Variants in LEPR observed in about 807,000 individuals in gnomAD.
LEPR encodes OB receptor.
LEPR carries 56 observed loss-of-function variants against 114.7 expected under a neutral mutation model. The ratio of observed to expected loss-of-function variants is 0.49; its 90% CI spans 0.39 to 0.61. The LOEUF (loss-of-function observed/expected upper bound fraction) is 0.61, where lower values mean the gene tolerates loss of function less well. Ranked by LOEUF, LEPR falls within the 20% of genes least tolerant of loss-of-function variation. The pLI is 0.00. For missense variants in LEPR, 1,202 were observed against 1,352.9 expected (o/e 0.89, Z 1.75); for synonymous variants, 443 against 461.4 (o/e 0.96, Z 0.51).
intron 2 of LEPR, among the ~76,000 whole-genome samples, chr1:65,550,471 A>G (rs1652220772): frequency 6.6e-6 from 1 of 152,212 alleles, no homozygotes; most frequent in Non-Finnish European, 1.5e-5. Flanking sequence ...GGCTCCACCC[A>G]GTTCGAGCTT....
chr1:65,573,661 T>G (rs776603120), intron 5 of LEPR, among the ~76,000 whole-genome samples: 10 of 152,204 alleles, frequency 6.6e-5, no homozygotes, highest in Admixed American at 3.9e-4. Flanking sequence ...CCTTCAGTTC[T>G]GCAGTTATTG....
chr1:65,636,089 T>C, intron 19 of LEPR, 102 bp from the exon 20 acceptor site: 1 of 1,334,426 alleles, frequency 7.5e-7, no homozygotes, highest in Non-Finnish European at 1.1e-6. Flanking sequence ...TTGACTTATG[T>C]TCTTTATTAT....
intron 2 of LEPR, among the ~76,000 whole-genome samples, chr1:65,512,058 A>G (rs1649061635): frequency 6.6e-6 from 1 of 152,178 alleles, no homozygotes; most frequent in Admixed American, 6.6e-5. Flanking sequence ...AAGCTGTTTC[A>G]CATGGTGGGA....
chr1:65,452,474 A>T (rs1230917405), intron 2 of LEPR, among the ~76,000 whole-genome samples: 1 of 151,932 alleles, frequency 6.6e-6, no homozygotes, highest in African/African-American at 2.4e-5. Flanking sequence ...ATTTATTGAG[A>T]GTTTTTAGCA....
At chr1:65,493,164 G>A (rs866860458) in intron 2 of LEPR, among the ~76,000 whole-genome samples, 28 of 152,154 alleles carry the variant, frequency 1.8e-4, no homozygotes, top group Middle Eastern at 6.8e-3. Flanking sequence ...GCTAGAGATT[G>A]TTGCTGGCCA....
chr1:65,472,437 C>CACACACACACAT (rs1647096721), intron 2 of LEPR, among the ~76,000 whole-genome samples: 1 of 142,680 alleles, frequency 7.0e-6, no homozygotes, highest in Non-Finnish European at 1.5e-5. Flanking sequence ...CACACACACA[C>CACACACACACAT]ACACACACGT....
Position 65,420,685 on chromosome 1 carries a change from G to T in LEPR, c.-152G>T. ...GCTTGGGCAGGCTGCCCGGGCCGTGGCAGGAAGCCGGAAGCAGCCGCGGCC... is the reference window on the plus strand; with the variant it reads ...GCTTGGGCAGGCTGCCCGGGCCGTGTCAGGAAGCCGGAAGCAGCCGCGGCC... On this transcript the variant is annotated 5_prime_UTR_variant, in exon 1 of 20. Coordinates refer to ENST00000349533, the MANE Select transcript of LEPR (RefSeq NM_002303.6). The T allele has an allele frequency of 1.3e-6, 2 of 1,569,014 alleles. No individual in the cohort carries two copies. The highest frequency in any genetic ancestry group is 1.7e-6 in the Non-Finnish European group (2 of 1,159,004).
chr1:65,469,524 C>T (rs17127655), intron 2 of LEPR, among the ~76,000 whole-genome samples: 8,107 of 152,148 alleles, frequency 0.053, 717 homozygotes, highest in African/African-American at 0.18. Context: ...CTCGGGTTCT[C>T]TTGAAGGAGT....
chr1:65,593,573 C>T (rs1438092601), intron 6 of LEPR, among the ~76,000 whole-genome samples: 1 of 152,018 alleles, frequency 6.6e-6, no homozygotes, highest in East Asian at 1.9e-4. Context: ...TATATGCAAA[C>T]TCTTTATGTC....
In LEPR at chr1:65,641,415, T is replaced by C. The variant is rs1268742622; in HGVS notation, c.*4400T>C. 1.1e-4 allele frequency: 17 copies of C among 152,238 alleles called. No individual in the cohort carries two copies. The highest frequency in any genetic ancestry group is 4.4e-5 in the Non-Finnish European group (3 of 68,046). 9.4% of individuals were successfully genotyped at this position (152,238 alleles called of 1,614,324 possible). ...ACGTAAGTGCCAAGATATGCATCAC[T>C]AACTGTTCTATGAAATTTGTCTACT... On this transcript the variant is annotated 3_prime_UTR_variant, in exon 20 of 20. Coordinates refer to ENST00000349533, the MANE Select transcript of LEPR (RefSeq NM_002303.6).
chr1:65,448,041 G>A (rs570211925), intron 2 of LEPR, among the ~76,000 whole-genome samples: 22 of 152,154 alleles, frequency 1.4e-4, no homozygotes, highest in African/African-American at 5.1e-4. Flanking sequence ...TATTATCTAG[G>A]ATTTCCAATA....
chr1:65,484,756 G>T (rs934263319), intron 2 of LEPR, among the ~76,000 whole-genome samples: 5 of 152,184 alleles, frequency 3.3e-5, no homozygotes, highest in African/African-American at 1.2e-4. Context: ...ACAAGCCAAT[G>T]AGATCAAGAT....
intron 2 of LEPR, among the ~76,000 whole-genome samples, chr1:65,554,648 A>G (rs1045696760): frequency 1.3e-5 from 2 of 151,996 alleles, no homozygotes; most frequent in African/African-American, 2.4e-5. Context: ...GCTGGGCTCC[A>G]TGGGGGTGGT....
intron 2 of LEPR, among the ~76,000 whole-genome samples, chr1:65,544,971 A>G (rs1332414038): frequency 7.1e-6 from 1 of 140,058 alleles, no homozygotes; most frequent in Non-Finnish European, 1.5e-5. Flanking sequence ...CCCACCCCAC[A>G]ACAGTCCCCA....
chr1:65,596,130 G>A (rs1261888618), intron 6 of LEPR, among the ~76,000 whole-genome samples: 1 of 152,050 alleles, frequency 6.6e-6, no homozygotes, highest in Non-Finnish European at 1.5e-5. Flanking sequence ...ATAAGTTTTA[G>A]GATGCTGGGT....
chr1:65,587,465 C>T (rs12042877), intron 5 of LEPR, among the ~76,000 whole-genome samples: 45,678 of 151,868 alleles, frequency 0.3, 7,775 homozygotes, highest in East Asian at 0.83. Context: ...TTTTACAGTT[C>T]TCAAAAATAC....
rs528029237 is a variant in LEPR at position 65,496,451 on chromosome 1, C to A, written c.-20-69095C>A. On this transcript the variant is annotated intron_variant, in intron 2 of 19. Transcript: ENST00000349533. ...CAATAGCCAGGTGTGGTTGCACGTG[C>A]CTGTAGTCCCTGCCAGTTGGGAGGC... Among the ~76,000 whole-genome samples the A allele has an allele frequency of 5.7e-4, 86 of 152,046 alleles. 1 individual carries two copies. The highest frequency in any genetic ancestry group is 1.2e-3 in the Admixed American group (18 of 15,268).
intron 2 of LEPR, among the ~76,000 whole-genome samples, chr1:65,518,384 A>G (rs143325373): frequency 2.6e-4 from 39 of 152,306 alleles, no homozygotes; most frequent in Admixed American, 2.2e-3. Context: ...GAGGGGGTCC[A>G]TGAGTCACCT....
intron 2 of LEPR, among the ~76,000 whole-genome samples, chr1:65,460,495 T>C (rs1366223520): frequency 1.3e-5 from 2 of 152,204 alleles, no homozygotes; most frequent in Non-Finnish European, 2.9e-5. Flanking sequence ...TACAGATCCA[T>C]GTACTCGTGC....
Sources: gnomAD v4.1 joint callset for allele counts (sites outside exome capture counted in the v4.1 genomes callset) on GRCh38, gnomAD v4.1.1 for gene constraint, MANE v1.5 for transcripts, NCBI Gene and HGNC (gene_info 2026-07-23, HGNC 2026-07-21) for gene names.